Variants in MBD6 observed in about 807,000 individuals in gnomAD.
The protein encoded by MBD6 is methyl-CpG-binding domain protein 6.
In MBD6, 22 loss-of-function variants were observed where a neutral mutation model predicts 66.8. That is an observed-to-expected ratio of 0.33 (90% CI 0.24 to 0.47). The LOEUF (loss-of-function observed/expected upper bound fraction) is 0.47, where lower values mean the gene tolerates loss of function less well. Among genes scored for constraint, MBD6 ranks in the 20% least tolerant of loss-of-function variants. The probability of loss-of-function intolerance (pLI) is 1.00; values close to 1 mark genes in which losing one functional copy is unlikely to be tolerated. For missense variants in MBD6, 1,322 were observed against 1,286.9 expected (o/e 1.03, Z -0.42); for synonymous variants, 540 against 534.6 (o/e 1.01, Z -0.14).
chr12:57,528,012 C>T lies in MBD6; in HGVS notation c.2401C>T (p.Leu801Phe). 3.9e-6 allele frequency: 6 copies of T among 1,537,970 alleles called. No individual in the cohort carries two copies. Among genetic ancestry groups the T allele is most frequent in the Non-Finnish European group, 5.2e-6 (6 of 1,146,772 alleles). ...SSPLACLLQSLQIPPEQPEAP... is the reference protein window; with the variant it reads ...SSPLACLLQSFQIPPEQPEAP... ...TCCCCTAGCCTGCCTGCTACAGAGTCTCCAGGTGAGGGTGTGGGCATATAT... is the reference window on the plus strand; with the variant it reads ...TCCCCTAGCCTGCCTGCTACAGAGTTTCCAGGTGAGGGTGTGGGCATATAT... Residue 801 changes from leucine to phenylalanine, a missense_variant, in exon 9 of 13, where the codon CTC (leucine) becomes TTC (phenylalanine). Leu to Phe is a conservative substitution (Grantham distance 22). Coordinates refer to ENST00000355673, the MANE Select transcript of MBD6 (RefSeq NM_052897.4).
At position 57,526,829 on chromosome 12, in the gene MBD6, G is replaced by T. The variant is rs767384390; in HGVS notation, c.1684G>T (p.Gly562Cys). 3.1e-6 allele frequency: 5 copies of T among 1,613,240 alleles called. No homozygotes were observed. In the Admixed American group the frequency reaches 8.3e-5, roughly 27 times the overall value. The change falls in exon 7 of 13, where the codon GGT (glycine) becomes TGT (cysteine). Residue 562 changes from glycine (G) to cysteine (C), a missense_variant. Transcript: ENST00000355673. ...TCCATTGCTCAACCACAGTTTATTT[G>T]GTGTGCTGACTGGGGGAGGAGGACA... is the stretch of plus-strand genomic sequence containing the variant. ...PSPLLNHSLF[G>C]VLTGGGGQPP... is the part of the protein sequence containing the mutation.
At chr12:57,525,175 G>C in intron 5 of MBD6, 60 bp downstream of exon 5, 1 of 1,568,564 alleles carries the variant, frequency 6.4e-7, no homozygotes, top group African/African-American at 1.4e-5. Flanking sequence ...GAAGGCTGGT[G>C]GTGGGAGGAG....
Position 57,528,728 on chromosome 12 carries a change from G to A in MBD6, c.2873+10G>A. ...GTAGGAGAAAATACAAGTGAGTGTT[G>A]GGCCTACTATAGTGCTGGCCTTTGC... On this transcript the variant is annotated intron_variant, in intron 11 of 12. Coordinates refer to ENST00000355673, the MANE Select transcript of MBD6 (RefSeq NM_052897.4). The A allele has an allele frequency of 1.2e-6, 2 of 1,614,140 alleles. No individual in the cohort carries two copies. The highest frequency in any genetic ancestry group is 1.7e-6 in the Non-Finnish European group (2 of 1,180,010).
At position 57,529,532 on chromosome 12, in the gene MBD6, G is replaced by A. The variant is rs1879418398; in HGVS notation, c.*298G>A. 6.4e-6 allele frequency: 2 copies of A among 310,552 alleles called. No homozygotes were observed. Among genetic ancestry groups the A allele is most frequent in the Admixed American group, 4.5e-5 (1 of 22,166 alleles). 19.2% of individuals were successfully genotyped at this position (310,552 alleles called of 1,614,324 possible). On this transcript the variant is annotated 3_prime_UTR_variant, in exon 13 of 13. Transcript: ENST00000355673. ...CTAAGGGGAACACCCCCTTCCCCAG[G>A]TCTTTTATTTGTTTAAGTTATTTTT...
chr12:57,524,610 C>T, intron 3 of MBD6, 110 bp from the exon 4 acceptor site: 1 of 1,164,964 alleles, frequency 8.6e-7, no homozygotes, highest in Non-Finnish European at 1.3e-6. Context: ...TCCCACATTC[C>T]TTATCCTCTG....
Position 57,530,004 on chromosome 12 carries a change from C to G in MBD6, c.*770C>G, listed in dbSNP as rs922721046. The G allele has an allele frequency of 4.6e-5, 7 of 152,680 alleles. No homozygotes were observed. The highest frequency in any genetic ancestry group is 1.7e-4 in the African/African-American group (7 of 41,434). 9.5% of individuals were successfully genotyped at this position (152,680 alleles called of 1,614,324 possible). On this transcript the variant is annotated 3_prime_UTR_variant, in exon 13 of 13. Transcript: ENST00000355673. ...CGGAGCGGCCAGCATGACCAGCTGTCCAGGGGCTGCCTCCTGCCTTTTCTT... is the reference window on the plus strand; with the variant it reads ...CGGAGCGGCCAGCATGACCAGCTGTGCAGGGGCTGCCTCCTGCCTTTTCTT...
At chr12:57,524,550 G>C in intron 3 of MBD6, 134 bp downstream of exon 3, 2 of 1,045,562 alleles carry the variant, frequency 1.9e-6, no homozygotes, top group Non-Finnish European at 1.4e-6. Flanking sequence ...CAGCCTTTTT[G>C]CTTTCTGTAG....
chr12:57,530,832 A>G, downstream of MBD6: 1 of 1,347,932 alleles, frequency 7.4e-7, no homozygotes, highest in Middle Eastern at 1.8e-4. Context: ...TAACTGGATG[A>G]GGACCTGAAG....
chr12:57,526,896 G>T lies in MBD6; in HGVS notation c.1751G>T (p.Gly584Val), dbSNP rs1475542037. 2 of 1,613,456 alleles carry T rather than the reference G, an allele frequency of 1.2e-6. No individual in the cohort carries two copies. Among genetic ancestry groups the T allele is most frequent in the Admixed American group, 3.3e-5 (2 of 59,970 alleles). Residue 584 changes from glycine to valine, a missense_variant, in exon 7 of 13, where the codon GGT (glycine) becomes GTT (valine). Transcript: ENST00000355673. ...EPLLPPPGGP[G>V]PPLAPGEPEG... ...CTGCTACCCCCACCAGGAGGACCTG[G>T]TCCTCCCCTAGCCCCAGGAGAGCCT...
rs1879041237 is a variant in MBD6 at position 57,527,125 on chromosome 12, C to T, written c.1980C>T (p.Ser660=). The change falls in exon 7 of 13, where the codon TCC becomes TCT. Residue 660 remains serine, a synonymous_variant. Coordinates refer to ENST00000355673, the MANE Select transcript of MBD6 (RefSeq NM_052897.4). Reference sequence around the variant, plus strand: ...CATTTTCAGGCTTGGGAGACCTGTCCCCCCTACTTTTCCCCCCACTTTCAG... The same window carrying T: ...CATTTTCAGGCTTGGGAGACCTGTCTCCCCTACTTTTCCCCCCACTTTCAG... ...GEPFSGLGDL[S]PLLFPPLSAP... The T allele has an allele frequency of 2.0e-6, 3 of 1,529,940 alleles. No individual in the cohort carries two copies. Among genetic ancestry groups the T allele is most frequent in the African/African-American group, 1.4e-5 (1 of 72,426 alleles). 94.8% of individuals were successfully genotyped at this position (1,529,940 alleles called of 1,614,324 possible). A position where few individuals can be genotyped will look rare whatever the true frequency, so the allele number is the denominator to read the frequency against.
At position 57,529,418 on chromosome 12, in the gene MBD6, AC is replaced by A. The variant is rs368133035; in HGVS notation, c.*193del. 0.035 allele frequency: 11,683 copies of A among 338,634 alleles called. 162 individuals carry two copies. The highest frequency in any genetic ancestry group is 0.066 in the East Asian group (1,424 of 21,524). 21.0% of individuals were successfully genotyped at this position (338,634 alleles called of 1,614,324 possible). On this transcript the variant is annotated 3_prime_UTR_variant, in exon 13 of 13. Transcript: ENST00000355673. ...GCCATTGCAGGGGGCAGGGAAGTTCACCCCCCCCCACCACCCCCCCGCCCCC... is the reference window on the plus strand; with the variant it reads ...GCCATTGCAGGGGGCAGGGAAGTTCACCCCCCCCACCACCCCCCCGCCCCC...
In MBD6 at chr12:57,528,731, C is replaced by A; in HGVS notation, c.2873+13C>A. 6.2e-7 allele frequency: 1 copy of A among 1,614,134 alleles called. No individual in the cohort carries two copies. Among genetic ancestry groups the A allele is most frequent in the South Asian group, 1.1e-5 (1 of 91,078 alleles). On this transcript the variant is annotated intron_variant, in intron 11 of 12. Coordinates refer to ENST00000355673, the MANE Select transcript of MBD6 (RefSeq NM_052897.4). ...GGAGAAAATACAAGTGAGTGTTGGG[C>A]CTACTATAGTGCTGGCCTTTGCCTA... is the stretch of plus-strand genomic sequence containing the variant.
intron 9 of MBD6, 29 bp from the exon 10 acceptor site, chr12:57,528,118 T>A: frequency 6.4e-7 from 1 of 1,558,920 alleles, no homozygotes; most frequent in Non-Finnish European, 8.6e-7. Flanking sequence ...TATTTGAGAT[T>A]GACTGAGAAC....
chr12:57,523,108 A>G (rs927577126), intron 1 of MBD6, 97 bp downstream of exon 1: 1 of 106,004 alleles, frequency 9.4e-6, no homozygotes, highest in Admixed American at 9.9e-5. Context: ...CCCCGGCCCC[A>G]TCCCCACTCC....
At chr12:57,527,424 C>T in intron 7 of MBD6, 83 bp from the exon 8 acceptor site, 2 of 1,493,804 alleles carry the variant, frequency 1.3e-6, no homozygotes, top group Non-Finnish European at 1.9e-6. Flanking sequence ...CTTGAGGCTT[C>T]AGTCAGATAG....
At chr12:57,527,694 G>T in intron 8 of MBD6, 34 bp downstream of exon 8, 1 of 1,562,040 alleles carries the variant, frequency 6.4e-7, no homozygotes, top group Non-Finnish European at 8.7e-7. Context: ...CACACTCTTG[G>T]TGTGAAAAAG....
At chr12:57,524,672 G>T in intron 3 of MBD6, 48 bp from the exon 4 acceptor site, 2 of 1,555,650 alleles carry the variant, frequency 1.3e-6, no homozygotes, top group South Asian at 1.1e-5. Context: ...AGTATTGCCT[G>T]ATTCGCTGCC....
chr12:57,522,966 T>G lies in MBD6; in HGVS notation c.-134T>G. On this transcript the variant is annotated 5_prime_UTR_variant, in exon 1 of 13. Transcript: ENST00000355673. Reference sequence around the variant, plus strand: ...CTCCCACCCCCTCCCACTCACCCTCTGGGCCGCGACTGCGCAGGGCGGGGC... The same window carrying G: ...CTCCCACCCCCTCCCACTCACCCTCGGGGCCGCGACTGCGCAGGGCGGGGC... 1 of 76,730 alleles carries G rather than the reference T, an allele frequency of 1.3e-5. No individual in the cohort carries two copies. Among genetic ancestry groups the G allele is most frequent in the Admixed American group, 1.6e-4 (1 of 6,182 alleles). The allele number at this position is 76,730 out of a possible 1,614,324, so 4.8% of individuals were successfully genotyped here. A position where few individuals can be genotyped will look rare whatever the true frequency, so the allele number is the denominator to read the frequency against.
upstream of MBD6, chr12:57,520,737 G>A (rs1878261422): frequency 9.2e-6 from 3 of 327,234 alleles, no homozygotes; most frequent in Admixed American, 4.9e-5. Flanking sequence ...GAGGCTTCAC[G>A]GAGGAGGTGG....
Sources: gnomAD v4.1 joint callset for allele counts on GRCh38, gnomAD v4.1.1 for gene constraint, MANE v1.5 for transcripts, NCBI Gene and HGNC (gene_info 2026-07-23, HGNC 2026-07-21) for gene names.